The following SPAG16 variants were observed in gnomAD, a reference collection of about 807,000 sequenced individuals.
The protein encoded by SPAG16 is sperm-associated antigen 16 protein.
SPAG16 carries 86 observed loss-of-function variants against 80.4 expected under a neutral mutation model. That is an observed-to-expected ratio of 1.07 (90% CI 0.90 to 1.28). SPAG16 has a LOEUF of 1.28. Among genes scored for constraint, SPAG16 ranks in the 50% most tolerant of loss-of-function variants. SPAG16 has a pLI of 0.00. For missense variants in SPAG16, 870 were observed against 765.3 expected (o/e 1.14, Z -1.61); for synonymous variants, 294 against 265.9 (o/e 1.11, Z -1.03).
chr2:214,179,744 T>A (rs779205297), intron 15 of SPAG16, among the ~76,000 whole-genome samples: 1 of 151,466 alleles, frequency 6.6e-6, no homozygotes, highest in Non-Finnish European at 1.5e-5. Flanking sequence ...AATATTTACA[T>A]GTATTTGGGA....
chr2:214,163,255 A>G (rs939791856), intron 15 of SPAG16, among the ~76,000 whole-genome samples: 4 of 151,930 alleles, frequency 2.6e-5, no homozygotes, highest in African/African-American at 4.8e-5. Context: ...GTTCTATTTT[A>G]TCTCACATTA....
At chr2:214,205,274 A>G (rs1318834893) in intron 15 of SPAG16, among the ~76,000 whole-genome samples, 1 of 152,142 alleles carries the variant, frequency 6.6e-6, no homozygotes, top group Non-Finnish European at 1.5e-5. Flanking sequence ...CAACATATGA[A>G]GGGAAAAATC....
At chr2:213,875,003 T>C (rs2076090089) in intron 11 of SPAG16, among the ~76,000 whole-genome samples, 2 of 152,084 alleles carry the variant, frequency 1.3e-5, no homozygotes. Context: ...AGTGCAGTGG[T>C]GCATCATAGC....
intron 9 of SPAG16, among the ~76,000 whole-genome samples, chr2:213,484,439 C>T (rs1336276447): frequency 6.6e-6 from 1 of 152,096 alleles, no homozygotes; most frequent in Non-Finnish European, 1.5e-5. Flanking sequence ...TGTCAGCTGT[C>T]AGTCACTCCT....
Position 213,836,861 on chromosome 2 carries a change from G to A in SPAG16, c.1071-25624G>A, listed in dbSNP as rs145070080. Reference sequence around the variant, plus strand: ...ACTCCTGACCTCAGGTGATCCCCCGGTCTCAGCCTCCCAAAGTGTTGGGAT... The same window carrying A: ...ACTCCTGACCTCAGGTGATCCCCCGATCTCAGCCTCCCAAAGTGTTGGGAT... On this transcript the variant is annotated intron_variant, in intron 10 of 15. Coordinates refer to ENST00000331683, the MANE Select transcript of SPAG16 (RefSeq NM_024532.5). Among the ~76,000 whole-genome samples the A allele has an allele frequency of 5.2e-3, 785 of 152,120 alleles. 6 individuals carry two copies. Among genetic ancestry groups the A allele is most frequent in the African/African-American group, 0.018 (764 of 41,500 alleles).
intron 13 of SPAG16, among the ~76,000 whole-genome samples, chr2:214,102,764 T>C (rs1424729879): frequency 6.8e-6 from 1 of 147,798 alleles, no homozygotes; most frequent in African/African-American, 2.5e-5. Flanking sequence ...CTGAGGGGCA[T>C]AAAGCAGAAA....
chr2:213,985,388 T>A (rs2106431964), intron 12 of SPAG16, among the ~76,000 whole-genome samples: 1 of 152,202 alleles, frequency 6.6e-6, no homozygotes, highest in East Asian at 1.9e-4. Context: ...TGAGGATAAT[T>A]CTATATTAAA....
intron 12 of SPAG16, among the ~76,000 whole-genome samples, chr2:213,953,900 AT>A (rs1224961143): frequency 2.0e-5 from 3 of 152,198 alleles, no homozygotes; most frequent in African/African-American, 7.2e-5. Flanking sequence ...AAAATGGTGA[AT>A]TGTGGAAACT....
At chr2:214,140,688 T>C (rs933762287) in intron 14 of SPAG16, among the ~76,000 whole-genome samples, 2 of 152,032 alleles carry the variant, frequency 1.3e-5, no homozygotes, top group African/African-American at 2.4e-5. Context: ...TCTTTAGTAA[T>C]AGACTCTAGT....
At position 214,391,226 on chromosome 2, in the gene SPAG16, T is replaced by C. The variant is rs183110438; in HGVS notation, c.1721-18914T>C. Among the ~76,000 whole-genome samples, 409 of 152,286 alleles carry C rather than the reference T, an allele frequency of 2.7e-3. 3 individuals are homozygous for C. Among genetic ancestry groups the C allele is most frequent in the Non-Finnish European group, 4.2e-3 (283 of 68,022 alleles). Reference sequence around the variant, plus strand: ...GCTTTGTAGCTTCAATTTCCTCTTCTGTAAAATTGGGATAATCATTAGAAT... The same window carrying C: ...GCTTTGTAGCTTCAATTTCCTCTTCCGTAAAATTGGGATAATCATTAGAAT... On this transcript the variant is annotated intron_variant, in intron 15 of 15. Coordinates refer to ENST00000331683, the MANE Select transcript of SPAG16 (RefSeq NM_024532.5).
chr2:213,668,226 A>G (rs191288413), intron 10 of SPAG16, among the ~76,000 whole-genome samples: 1 of 151,850 alleles, frequency 6.6e-6, no homozygotes, highest in African/African-American at 2.4e-5. Context: ...GGCATGAGCT[A>G]TCATGCCTGG....
At chr2:213,869,265 A>AAAAAATATATATATACG (rs1491244962) in intron 11 of SPAG16, among the ~76,000 whole-genome samples, 2 of 24,806 alleles carry the variant, frequency 8.1e-5, no homozygotes, top group Non-Finnish European at 5.6e-4. Context: ...AAAAAAAAAA[A>AAAAAATATATATATACG]TATATATATA....
At chr2:213,331,521 A>G (rs1369766042) in intron 5 of SPAG16, among the ~76,000 whole-genome samples, 1 of 152,236 alleles carries the variant, frequency 6.6e-6, no homozygotes, top group Admixed American at 6.5e-5. Context: ...CATTTTCAGT[A>G]TTGGACAGGT....
chr2:214,166,479 G>T (rs959206412), intron 15 of SPAG16, among the ~76,000 whole-genome samples: 8 of 152,130 alleles, frequency 5.3e-5, no homozygotes, highest in Admixed American at 2.0e-4. Context: ...CCATCAGGCC[G>T]ACTTACTCCT....
chr2:213,634,479 A>T (rs1327452266), intron 10 of SPAG16, among the ~76,000 whole-genome samples: 2 of 152,178 alleles, frequency 1.3e-5, no homozygotes, highest in Non-Finnish European at 2.9e-5. Flanking sequence ...GTGTTATAAT[A>T]CTGTGTGTTT....
At chr2:213,502,074 G>A (rs2074766146) in intron 10 of SPAG16, among the ~76,000 whole-genome samples, 1 of 152,044 alleles carries the variant, frequency 6.6e-6, no homozygotes, top group South Asian at 2.1e-4. Context: ...TTCTGGAATA[G>A]GACATAGTAA....
rs144628667 is a variant in SPAG16 at position 213,716,534 on chromosome 2, T to C, written c.1071-145951T>C. 4.1e-3 allele frequency among the ~76,000 whole-genome samples: 623 copies of C among 152,330 alleles called. 4 individuals carry two copies. Among genetic ancestry groups the C allele is most frequent in the African/African-American group, 0.014 (568 of 41,570 alleles). On this transcript the variant is annotated intron_variant, in intron 10 of 15. Coordinates refer to ENST00000331683, the MANE Select transcript of SPAG16 (RefSeq NM_024532.5). ...AGAAACATCCTTAACCAGGAAGCTATTGTCTTAAACTGCTGTTGTTTTGGC... is the reference window on the plus strand; with the variant it reads ...AGAAACATCCTTAACCAGGAAGCTACTGTCTTAAACTGCTGTTGTTTTGGC...
intron 10 of SPAG16, among the ~76,000 whole-genome samples, chr2:213,590,443 C>T (rs550320925): frequency 7.3e-6 from 1 of 137,246 alleles, no homozygotes; most frequent in East Asian, 2.1e-4. Context: ...AACAAAACAA[C>T]AAGAAAAAAA....
intron 5 of SPAG16, among the ~76,000 whole-genome samples, chr2:213,335,595 G>T (rs2064316832): frequency 6.6e-6 from 1 of 151,996 alleles, no homozygotes; most frequent in South Asian, 2.1e-4. Context: ...TTATATTCTT[G>T]ATATACGCAA....
Sources: allele counts gnomAD v4.1 joint callset (sites outside exome capture counted in the v4.1 genomes callset), GRCh38; gene constraint gnomAD v4.1.1; transcripts MANE v1.5; gene names NCBI Gene and HGNC (gene_info 2026-07-23, HGNC 2026-07-21).